IMMP2L: variants seen among roughly 807,000 people sequenced by gnomAD.
The protein encoded by IMMP2L is inner mitochondrial membrane peptidase subunit 2.
A neutral mutation model predicts 19.3 loss-of-function variants in IMMP2L; 18 were observed. The observed-to-expected ratio is 0.93, with a 90% confidence interval of 0.64 to 1.38. IMMP2L has a LOEUF of 1.38. Among genes scored for constraint, IMMP2L ranks in the 40% most tolerant of loss-of-function variants. The pLI is 0.00. For synonymous variants in IMMP2L, 76 were observed against 73.0 expected (o/e 1.04, Z -0.21); for missense variants, 233 against 218.2 (o/e 1.07, Z -0.43).
chr7:110,827,253 G>A lies in IMMP2L; in HGVS notation c.408+59340C>T, dbSNP rs114956320. Among the ~76,000 whole-genome samples the A allele has an allele frequency of 5.6e-3, 859 of 152,220 alleles. 13 individuals are homozygous for A. Among genetic ancestry groups the A allele is most frequent in the African/African-American group, 0.019 (807 of 41,560 alleles). On this transcript the variant is annotated intron_variant, in intron 5 of 5. Coordinates refer to ENST00000405709, the MANE Select transcript of IMMP2L (RefSeq NM_032549.4). The stretch of plus-strand genomic sequence containing the variant: ...GAGATAAGCAACCCACCCAAAGACC[G>A]TTATTAAACAGGACAGTCAAAATGC...
intron 5 of IMMP2L, among the ~76,000 whole-genome samples, chr7:110,670,632 G>A (rs1791833092): frequency 6.6e-6 from 1 of 150,546 alleles, no homozygotes; most frequent in Non-Finnish European, 1.5e-5. Context: ...AGAGGTTGCA[G>A]TGAGCTGAGA....
intron 3 of IMMP2L, among the ~76,000 whole-genome samples, chr7:111,196,418 G>A (rs1224686466): frequency 6.6e-6 from 1 of 152,074 alleles, no homozygotes; most frequent in Non-Finnish European, 1.5e-5. Context: ...ATCACTAGGA[G>A]TGTTAAACTA....
At chr7:111,092,312 A>G (rs1796956488) in intron 3 of IMMP2L, among the ~76,000 whole-genome samples, 1 of 152,234 alleles carries the variant, frequency 6.6e-6, no homozygotes, top group Admixed American at 6.5e-5. Context: ...ATGGCTTTAA[A>G]GTACATTTCC....
At chr7:111,023,275 CA>C (rs1826473645) in intron 3 of IMMP2L, among the ~76,000 whole-genome samples, 1 of 152,218 alleles carries the variant, frequency 6.6e-6, no homozygotes, top group Non-Finnish European at 1.5e-5. Flanking sequence ...AACACACATG[CA>C]CTCACAAAAT....
At chr7:111,522,671 T>C (rs1329579112) in intron 1 of IMMP2L, among the ~76,000 whole-genome samples, 1 of 151,986 alleles carries the variant, frequency 6.6e-6, no homozygotes, top group African/African-American at 2.4e-5. Context: ...AAGGAACCCT[T>C]ATATCTGTTT....
intron 3 of IMMP2L, among the ~76,000 whole-genome samples, chr7:111,297,312 G>A (rs1382755976): frequency 2.0e-5 from 3 of 152,008 alleles, no homozygotes; most frequent in African/African-American, 7.2e-5. Flanking sequence ...TGTTATCACT[G>A]GAGAAAACTG....
rs1382505075 is a variant in IMMP2L at position 110,723,952 on chromosome 7, G to T, written c.409-60231C>A. 4.6e-5 allele frequency among the ~76,000 whole-genome samples: 7 copies of T among 151,860 alleles called. No homozygotes were observed. The East Asian group carries it at 1.4e-3, about 29-fold the overall frequency. On this transcript the variant is annotated intron_variant, in intron 5 of 5. Transcript: ENST00000405709. ...AAGAAAATATTTAGCAGAACCATTT[G>T]TAAATGCTTAATAGAAAGAGCTTAT...
At chr7:111,384,153 TGAA>T (rs1053928069) in intron 3 of IMMP2L, among the ~76,000 whole-genome samples, 3 of 143,484 alleles carry the variant, frequency 2.1e-5, no homozygotes, top group Non-Finnish European at 4.5e-5. Context: ...CTCTAAATGA[TGAA>T]GAAGAAGGAG....
At chr7:110,878,417 T>C (rs1809292456) in intron 5 of IMMP2L, among the ~76,000 whole-genome samples, 1 of 152,244 alleles carries the variant, frequency 6.6e-6, no homozygotes, top group Middle Eastern at 3.4e-3. Flanking sequence ...ATAATTTTGA[T>C]GTAATTTTAT....
chr7:111,069,829 TC>T (rs1794802301), intron 3 of IMMP2L, among the ~76,000 whole-genome samples: 1 of 152,144 alleles, frequency 6.6e-6, no homozygotes, highest in South Asian at 2.1e-4. Context: ...ATTAGATCTT[TC>T]CAGAGTATGC....
At chr7:111,030,822 ATG>A (rs1404300568) in intron 3 of IMMP2L, among the ~76,000 whole-genome samples, 1 of 150,062 alleles carries the variant, frequency 6.7e-6, no homozygotes, top group Admixed American at 6.7e-5. Context: ...ATGTGTGTAT[ATG>A]TGTCTGTGTA....
chr7:110,847,546 T>C (rs1237089200), intron 5 of IMMP2L, among the ~76,000 whole-genome samples: 1 of 152,152 alleles, frequency 6.6e-6, no homozygotes, highest in African/African-American at 2.4e-5. Flanking sequence ...AGCAAGTTGT[T>C]TTGTAGATAT....
intron 5 of IMMP2L, among the ~76,000 whole-genome samples, chr7:110,822,968 C>G (rs1584939556): frequency 6.6e-6 from 1 of 152,166 alleles, no homozygotes; most frequent in East Asian, 1.9e-4. Context: ...ACTCAAGTGT[C>G]TGATGAGTAA....
intron 3 of IMMP2L, among the ~76,000 whole-genome samples, chr7:110,992,594 A>C (rs1465719366): frequency 6.6e-6 from 1 of 151,736 alleles, no homozygotes; most frequent in East Asian, 1.9e-4. Context: ...ACCTTAACTG[A>C]GTTCCTAAAT....
chr7:111,422,693 A>G (rs1326140186), intron 3 of IMMP2L, among the ~76,000 whole-genome samples: 1 of 151,836 alleles, frequency 6.6e-6, no homozygotes, highest in Non-Finnish European at 1.5e-5. Context: ...TCTTTTCCTA[A>G]CTGAATACCC....
At chr7:110,719,733 G>A (rs542358521) in intron 5 of IMMP2L, among the ~76,000 whole-genome samples, 4 of 152,200 alleles carry the variant, frequency 2.6e-5, no homozygotes, top group South Asian at 2.1e-4. Flanking sequence ...TGTGATCTTC[G>A]CAGAAAATAA....
chr7:111,111,902 CTTTATTTATATAT>C (rs1367063594), intron 3 of IMMP2L, among the ~76,000 whole-genome samples: 1 of 133,312 alleles, frequency 7.5e-6, no homozygotes, highest in Non-Finnish European at 1.6e-5. Context: ...AAATGCAAAA[CTTTATTTATATAT>C]TTTATTTATA....
chr7:110,759,279 G>A (rs1334572352), intron 5 of IMMP2L, among the ~76,000 whole-genome samples: 3 of 152,030 alleles, frequency 2.0e-5, no homozygotes, highest in Non-Finnish European at 4.4e-5. Context: ...GCCTTGTAAC[G>A]ATCTGTTTAC....
chr7:111,194,890 C>A (rs1429026211), intron 3 of IMMP2L, among the ~76,000 whole-genome samples: 2 of 152,030 alleles, frequency 1.3e-5, no homozygotes, highest in African/African-American at 2.4e-5. Context: ...ACTAAATTTC[C>A]AGTTTTTTTG....
Sources: allele counts gnomAD v4.1 joint callset (sites outside exome capture counted in the v4.1 genomes callset), GRCh38; gene constraint gnomAD v4.1.1; transcripts MANE v1.5; gene names NCBI Gene and HGNC (gene_info 2026-07-23, HGNC 2026-07-21).